Variants in CPNE4 observed in about 807,000 individuals in gnomAD.
CPNE4 encodes copine-4.
Under a neutral mutation model 67.9 loss-of-function variants are expected in CPNE4, and 25 were observed. The ratio of observed to expected loss-of-function variants is 0.37; its 90% CI spans 0.27 to 0.51. CPNE4 has a LOEUF of 0.51. Among genes scored for constraint, CPNE4 ranks in the 20% least tolerant of loss-of-function variants. The pLI is 0.93. For missense variants in CPNE4, 464 were observed against 690.8 expected (o/e 0.67, Z 3.68); for synonymous variants, 242 against 244.9 (o/e 0.99, Z 0.11).
Position 131,564,831 on chromosome 3 carries a change from T to C in CPNE4, c.928-482A>G, listed in dbSNP as rs578085671. On this transcript the variant is annotated intron_variant, in intron 10 of 15. Transcript: ENST00000429747. ...TGTCATGTTTCCATGAGTGGCCAGA[T>C]GCAGAGAGATGTGTTAGAGTGGTTA... Among the ~76,000 whole-genome samples, 3 of 152,166 alleles carry C rather than the reference T, an allele frequency of 2.0e-5. No homozygotes were observed. The East Asian group carries it at 5.8e-4, about 30-fold the overall frequency.
At chr3:131,965,118 C>G (rs376899668) in intron 1 of CPNE4, among the ~76,000 whole-genome samples, 3 of 152,152 alleles carry the variant, frequency 2.0e-5, no homozygotes, top group African/African-American at 7.2e-5. Flanking sequence ...CATATCTAGC[C>G]AAACTAAGCT....
chr3:131,972,741 G>T (rs772990856), intron 1 of CPNE4, among the ~76,000 whole-genome samples: 2 of 152,070 alleles, frequency 1.3e-5, no homozygotes, highest in Non-Finnish European at 2.9e-5. Context: ...CTCTCATCCT[G>T]CATTTGTTCT....
Position 131,795,847 on chromosome 3 carries a change from C to A in CPNE4, c.181-72222G>T, listed in dbSNP as rs866759880. Among the ~76,000 whole-genome samples the A allele has an allele frequency of 5.3e-5, 8 of 152,142 alleles. 1 individual carries two copies. The South Asian group carries it at 1.7e-3, about 32-fold the overall frequency. ...TAGCTCACTAAATATGTAAATGTGG[C>A]CACCTCAGCACACACTCCTGTTCCC... is the stretch of plus-strand genomic sequence containing the variant. On this transcript the variant is annotated intron_variant, in intron 2 of 15. Transcript: ENST00000429747.
chr3:131,617,461 G>A (rs1940217327), intron 7 of CPNE4, among the ~76,000 whole-genome samples: 1 of 152,178 alleles, frequency 6.6e-6, no homozygotes, highest in African/African-American at 2.4e-5. Context: ...AGGTGAAGAA[G>A]CTAAAGATCG....
intron 2 of CPNE4, among the ~76,000 whole-genome samples, chr3:131,899,969 C>G (rs2088487644): frequency 6.6e-6 from 1 of 152,036 alleles, no homozygotes; most frequent in Non-Finnish European, 1.5e-5. Context: ...TGGGCAAGCT[C>G]AACAACATGG....
intron 1 of CPNE4, among the ~76,000 whole-genome samples, chr3:131,930,935 GA>G (rs1296678478): frequency 6.6e-6 from 1 of 152,082 alleles, no homozygotes; most frequent in Non-Finnish European, 1.5e-5. Context: ...AAGGTGCTAT[GA>G]GATAAGACAA....
chr3:131,590,782 C>A (rs573418169), intron 7 of CPNE4, among the ~76,000 whole-genome samples: 5 of 152,254 alleles, frequency 3.3e-5, no homozygotes, highest in Admixed American at 6.5e-5. Flanking sequence ...TGTTTTTAAA[C>A]TTTCTTCTAA....
At chr3:132,032,698 T>C (rs2074261592) in intron 1 of CPNE4, among the ~76,000 whole-genome samples, 1 of 151,646 alleles carries the variant, frequency 6.6e-6, no homozygotes, top group South Asian at 2.1e-4. Context: ...CCTGCCAGAG[T>C]GACTTTGTCA....
At chr3:131,926,198 T>C (rs1470156362) in intron 1 of CPNE4, among the ~76,000 whole-genome samples, 4 of 151,998 alleles carry the variant, frequency 2.6e-5, no homozygotes, top group Admixed American at 2.6e-4. Flanking sequence ...AACAAAAAAA[T>C]TGTGAGAAAC....
chr3:132,011,631 G>A (rs1212957517), intron 1 of CPNE4, among the ~76,000 whole-genome samples: 1 of 152,182 alleles, frequency 6.6e-6, no homozygotes, highest in Admixed American at 6.5e-5. Flanking sequence ...TTCTGAAATT[G>A]TAAACAGCCA....
intron 2 of CPNE4, among the ~76,000 whole-genome samples, chr3:131,865,176 T>C (rs1327028926): frequency 6.6e-6 from 1 of 152,114 alleles, no homozygotes; most frequent in Non-Finnish European, 1.5e-5. Context: ...CTTTTTTTTG[T>C]TGTGTCTCTG....
At chr3:131,543,007 A>C in intron 14 of CPNE4, 1 of 537,544 alleles carries the variant, frequency 1.9e-6, no homozygotes, top group Non-Finnish European at 3.3e-6. Flanking sequence ...GCTTAATTAT[A>C]ATAACTACCT....
At chr3:131,752,203 G>A (rs1241737040) in intron 2 of CPNE4, among the ~76,000 whole-genome samples, 4 of 152,046 alleles carry the variant, frequency 2.6e-5, no homozygotes, top group African/African-American at 9.7e-5. Flanking sequence ...ACACCATCCT[G>A]GCTAGGGTGT....
intron 2 of CPNE4, among the ~76,000 whole-genome samples, chr3:131,881,250 T>A (rs1454590282): frequency 6.6e-6 from 1 of 152,176 alleles, no homozygotes; most frequent in Non-Finnish European, 1.5e-5. Flanking sequence ...CTTTACCAAT[T>A]ATACCTTTAG....
chr3:132,033,409 G>C (rs145936672), intron 1 of CPNE4, among the ~76,000 whole-genome samples: 8 of 72,954 alleles, frequency 1.1e-4, no homozygotes, highest in East Asian at 2.6e-4. Flanking sequence ...GTGTGTCTGT[G>C]TGTGTGTGTG....
Position 131,535,142 on chromosome 3 carries a change from T to C in CPNE4, c.*53A>G. 1 of 1,517,898 alleles carries C rather than the reference T, an allele frequency of 6.6e-7. No homozygotes were observed. The highest frequency in any genetic ancestry group is 2.3e-5 in the East Asian group (1 of 43,548). 94.0% of individuals were successfully genotyped at this position (1,517,898 alleles called of 1,614,324 possible). On this transcript the variant is annotated 3_prime_UTR_variant, in exon 16 of 16. Transcript: ENST00000429747. The stretch of plus-strand genomic sequence containing the variant: ...ACAGGAGTAGTAGAAGTATTAAATA[T>C]GAAATATTAGCAGGAATAGTATTTC...
chr3:131,885,737 G>A (rs2107729410), intron 2 of CPNE4, among the ~76,000 whole-genome samples: 1 of 151,808 alleles, frequency 6.6e-6, no homozygotes, highest in African/African-American at 2.4e-5. Context: ...TCCCCTTCCT[G>A]TGTCCATGTG....
intron 14 of CPNE4, among the ~76,000 whole-genome samples, chr3:131,547,455 CAA>C (rs56412825): frequency 5.5e-5 from 2 of 36,524 alleles, no homozygotes; most frequent in African/African-American, 8.6e-5. Context: ...GACCCTGTCG[CAA>C]AAAAAAAAAA....
chr3:131,801,652 C>A (rs2084135006), intron 2 of CPNE4, among the ~76,000 whole-genome samples: 1 of 149,808 alleles, frequency 6.7e-6, no homozygotes, highest in Non-Finnish European at 1.5e-5. Context: ...TGGGTCGTTA[C>A]TTATTATCAA....
Sources: allele counts gnomAD v4.1 joint callset (sites outside exome capture counted in the v4.1 genomes callset), GRCh38; gene constraint gnomAD v4.1.1; transcripts MANE v1.5; gene names NCBI Gene and HGNC (gene_info 2026-07-23, HGNC 2026-07-21).